Variants in SLC4A10 observed in about 807,000 individuals in gnomAD.
SLC4A10 encodes solute carrier family 4 member 10.
SLC4A10 carries 42 observed loss-of-function variants against 137.7 expected under a neutral mutation model. The observed-to-expected ratio is 0.30, with a 90% CI of 0.24 to 0.39. The LOEUF is 0.39. SLC4A10 is among the 10% of genes least tolerant of loss of function. The pLI is 1.00. For synonymous variants in SLC4A10, 474 were observed against 464.1 expected (o/e 1.02, Z -0.27); for missense variants, 925 against 1,355.0 (o/e 0.68, Z 4.98).
intron 1 of SLC4A10, among the ~76,000 whole-genome samples, chr2:161,688,449 G>C (rs1239807179): frequency 6.6e-6 from 1 of 152,130 alleles, no homozygotes; most frequent in East Asian, 1.9e-4. Context: ...CTCTTGGGTA[G>C]AGTATGCGAT....
chr2:161,726,532 A>G (rs2046240650), intron 1 of SLC4A10, among the ~76,000 whole-genome samples: 1 of 152,232 alleles, frequency 6.6e-6, no homozygotes, highest in African/African-American at 2.4e-5. Flanking sequence ...CTGAGAAATC[A>G]GAATTATAAA....
Position 161,795,664 on chromosome 2 carries a change from T to C in SLC4A10, c.131-8785T>C, listed in dbSNP as rs889873319. 2.6e-5 allele frequency among the ~76,000 whole-genome samples: 4 copies of C among 152,222 alleles called. No individual in the cohort carries two copies. The South Asian group carries it at 6.2e-4, about 24-fold the overall frequency. Reference sequence around the variant, plus strand: ...TAGCTATAGGCACTATGCTGTGTAGTAGATCTCTAGAACCTATTTATCGGA... The same window carrying C: ...TAGCTATAGGCACTATGCTGTGTAGCAGATCTCTAGAACCTATTTATCGGA... On this transcript the variant is annotated intron_variant, in intron 2 of 26. Transcript: ENST00000446997.
At chr2:161,871,595 A>C (rs192668365) in intron 6 of SLC4A10, among the ~76,000 whole-genome samples, 1 of 152,182 alleles carries the variant, frequency 6.6e-6, no homozygotes, top group Admixed American at 6.5e-5. Flanking sequence ...AAGAACTACA[A>C]GATAATTTTG....
chr2:161,836,008 G>T (rs183973550), intron 3 of SLC4A10, among the ~76,000 whole-genome samples: 1 of 152,310 alleles, frequency 6.6e-6, no homozygotes, highest in Admixed American at 6.5e-5. Context: ...GAGACAAAGT[G>T]GATGAACTTT....
intron 1 of SLC4A10, among the ~76,000 whole-genome samples, chr2:161,767,200 G>GTATATATATATACACA (rs1559203494): frequency 3.2e-4 from 31 of 95,706 alleles, no homozygotes; most frequent in African/African-American, 8.7e-4. Context: ...GTGTGTGTGT[G>GTATATATATATACACA]TGTATATATA....
At chr2:161,743,040 C>A (rs2048075220) in intron 1 of SLC4A10, among the ~76,000 whole-genome samples, 1 of 152,044 alleles carries the variant, frequency 6.6e-6, no homozygotes. Flanking sequence ...GGATAGTTTG[C>A]AAATATTTTC....
intron 1 of SLC4A10, among the ~76,000 whole-genome samples, chr2:161,765,259 A>T (rs1290125011): frequency 6.6e-6 from 1 of 152,122 alleles, no homozygotes; most frequent in African/African-American, 2.4e-5. Flanking sequence ...ATGCCCAAAA[A>T]AATTTTAAAA....
At chr2:161,921,630 TG>T (rs1021552494) in intron 15 of SLC4A10, among the ~76,000 whole-genome samples, 5 of 152,264 alleles carry the variant, frequency 3.3e-5, no homozygotes, top group Admixed American at 2.6e-4. Flanking sequence ...ATGAAAACTT[TG>T]CCTATATGAC....
At chr2:161,736,416 A>G (rs1463547084) in intron 1 of SLC4A10, among the ~76,000 whole-genome samples, 6 of 152,182 alleles carry the variant, frequency 3.9e-5, no homozygotes, top group African/African-American at 1.4e-4. Context: ...TCACACTGCT[A>G]TGGAGAAAAA....
rs73019297 is a variant in SLC4A10 at position 161,799,364 on chromosome 2, C to T, written c.131-5085C>T. ...TTTGCCTTCTCAACTGATAGCTATC[C>T]GGGTGAAAAATTCAATTATGGATAT... On this transcript the variant is annotated intron_variant, in intron 2 of 26. Transcript: ENST00000446997. Among the ~76,000 whole-genome samples, 1,057 of 151,702 alleles carry T rather than the reference C, an allele frequency of 7.0e-3. 13 individuals are homozygous for T. The highest frequency in any genetic ancestry group is 0.023 in the African/African-American group (966 of 41,462).
chr2:161,749,197 T>A (rs139452969), intron 1 of SLC4A10, among the ~76,000 whole-genome samples: 181 of 152,120 alleles, frequency 1.2e-3, no homozygotes, highest in African/African-American at 4.0e-3. Context: ...TTAGGGTTTT[T>A]ACATATAGAA....
chr2:161,763,826 A>G (rs1470252097), intron 1 of SLC4A10, among the ~76,000 whole-genome samples: 1 of 152,110 alleles, frequency 6.6e-6, no homozygotes, highest in Admixed American at 6.6e-5. Context: ...AAGGGTTAAT[A>G]GAGGATATAT....
At position 161,878,180 on chromosome 2, in the gene SLC4A10, T is replaced by C. The variant is rs180855006; in HGVS notation, c.949-951T>C. Among the ~76,000 whole-genome samples the C allele has an allele frequency of 3.2e-4, 49 of 152,276 alleles. No homozygotes were observed. The East Asian group carries it at 6.8e-3, about 21-fold the overall frequency. On this transcript the variant is annotated intron_variant, in intron 8 of 26. Coordinates refer to ENST00000446997, the MANE Select transcript of SLC4A10 (RefSeq NM_001178015.2). ...TCATTCCTCTCTCGGCTATTCTCAC[T>C]TTGATCTTTGGCCCTCATTTCATTA...
intron 1 of SLC4A10, among the ~76,000 whole-genome samples, chr2:161,652,906 G>C (rs1335711914): frequency 6.6e-6 from 1 of 151,720 alleles, no homozygotes; most frequent in African/African-American, 2.4e-5. Context: ...TAACGTGCAG[G>C]TTTGTTACAC....
intron 1 of SLC4A10, among the ~76,000 whole-genome samples, chr2:161,728,208 G>T (rs917076608): frequency 1.3e-5 from 2 of 152,134 alleles, no homozygotes; most frequent in African/African-American, 4.8e-5. Context: ...CACCCCAAAT[G>T]AAATAAATTG....
chr2:161,933,471 C>T (rs1355451343), intron 15 of SLC4A10, among the ~76,000 whole-genome samples: 1 of 151,864 alleles, frequency 6.6e-6, no homozygotes, highest in Non-Finnish European at 1.5e-5. Context: ...TAGCTCACTG[C>T]AGCCTGGAAC....
intron 1 of SLC4A10, among the ~76,000 whole-genome samples, chr2:161,756,120 T>A (rs1212593959): frequency 6.6e-6 from 1 of 152,154 alleles, no homozygotes; most frequent in Non-Finnish European, 1.5e-5. Context: ...TACCATTTGA[T>A]TGAATTTTGA....
intron 1 of SLC4A10, among the ~76,000 whole-genome samples, chr2:161,654,793 T>C (rs1229935363): frequency 6.6e-6 from 1 of 152,190 alleles, no homozygotes; most frequent in East Asian, 1.9e-4. Flanking sequence ...ATGATATATT[T>C]TGAAATCAGG....
In SLC4A10 at chr2:161,872,398, C is replaced by T. The variant is rs2125925185; in HGVS notation, c.858+14C>T. The T allele has an allele frequency of 6.2e-7, 1 of 1,601,054 alleles. No homozygotes were observed. Among genetic ancestry groups the T allele is most frequent in the South Asian group, 1.1e-5 (1 of 90,582 alleles). On this transcript the variant is annotated intron_variant, in intron 7 of 26. Coordinates refer to ENST00000446997, the MANE Select transcript of SLC4A10 (RefSeq NM_001178015.2). The stretch of plus-strand genomic sequence containing the variant: ...GACTTTAGCAAGGTGAGCTTTTCTC[C>T]CTCTCATCTAAGTAAGTTGCTAAAT...
Sources: allele counts gnomAD v4.1 joint callset (sites outside exome capture counted in the v4.1 genomes callset), GRCh38; gene constraint gnomAD v4.1.1; transcripts MANE v1.5; gene names NCBI Gene and HGNC (gene_info 2026-07-23, HGNC 2026-07-21).